SFMBT1: variants seen among roughly 807,000 people sequenced by gnomAD.
SFMBT1 encodes the protein scm-like with four MBT domains protein 1.
SFMBT1 carries 32 observed loss-of-function variants against 108.7 expected under a neutral mutation model. The ratio of observed to expected loss-of-function variants is 0.29; its 90% CI spans 0.22 to 0.40. The LOEUF (loss-of-function observed/expected upper bound fraction) is 0.40, where lower values mean the gene tolerates loss of function less well. Ranked by LOEUF, SFMBT1 falls within the 10% of genes least tolerant of loss-of-function variation. The pLI is 1.00. For synonymous variants in SFMBT1, 348 were observed against 369.5 expected, an observed-to-expected ratio of 0.94 and a Z score of 0.67; for missense variants, 816 against 1,059.6, an observed-to-expected ratio of 0.77 and a Z score of 3.19.
chr3:53,020,656 G>A (rs1384866749), intron 1 of SFMBT1, among the ~76,000 whole-genome samples: 2 of 152,172 alleles, frequency 1.3e-5, no homozygotes, highest in Admixed American at 1.3e-4. Context: ...AAAACAAGTC[G>A]AGGATGGAAG....
intron 8 of SFMBT1, among the ~76,000 whole-genome samples, chr3:52,928,653 T>TAC (rs56180614): frequency 0.038 from 692 of 18,054 alleles, 29 homozygotes; most frequent in African/African-American, 0.066. Context: ...TATATATATA[T>TAC]ACACATATAT....
intron 1 of SFMBT1, among the ~76,000 whole-genome samples, chr3:52,995,568 G>C (rs889485598): frequency 1.4e-4 from 21 of 149,756 alleles, no homozygotes; most frequent in African/African-American, 4.8e-4. Context: ...CTTTGTTTAT[G>C]TTTTGTAGAG....
In SFMBT1 at chr3:52,932,050, A is replaced by G. The variant is rs765447005; in HGVS notation, c.700+12T>C. 11 of 1,611,576 alleles carry G rather than the reference A, an allele frequency of 6.8e-6. No individual in the cohort carries two copies. The South Asian group carries it at 1.2e-4, about 18-fold the overall frequency. ...TAATGTCACAGAAGAAAAATGTCCT[A>G]TTACTCTTCACCTGAAGGGGGCTGA... On this transcript the variant is annotated intron_variant, in intron 6 of 20. Transcript: ENST00000394752.
chr3:52,920,645 T>C lies in SFMBT1; in HGVS notation c.1264A>G (p.Lys422Glu). The change falls in exon 12 of 21, where the codon AAG becomes GAG. Residue 422 changes from lysine (K) to glutamate (E), a missense_variant. This residue lies in a region of SFMBT1 where 495 missense variants were observed against 607.4 expected (regional missense o/e 0.81). Coordinates refer to ENST00000394752, the MANE Select transcript of SFMBT1 (RefSeq NM_016329.4). ...ACAATACATTCAGGTATAGGCTTCT[T>C]AGAACCTGTTTAGATTTAAACAAAC... ...SYLWLQLEGS[K>E]KPIPECIVSV... is the part of the protein sequence containing the mutation. The C allele has an allele frequency of 6.3e-7, 1 of 1,591,710 alleles. No homozygotes were observed. Among genetic ancestry groups the C allele is most frequent in the African/African-American group, 1.3e-5 (1 of 74,222 alleles).
At chr3:52,956,852 A>G (rs1170448389) in intron 2 of SFMBT1, among the ~76,000 whole-genome samples, 1 of 152,182 alleles carries the variant, frequency 6.6e-6, no homozygotes, top group Non-Finnish European at 1.5e-5. Flanking sequence ...TTTATGACAA[A>G]CCCACAGCCA....
chr3:52,991,724 A>G (rs1244601570), intron 1 of SFMBT1, among the ~76,000 whole-genome samples: 1 of 152,000 alleles, frequency 6.6e-6, no homozygotes. Flanking sequence ...ATGCCATTAT[A>G]AGAAGCTTCT....
intron 1 of SFMBT1, among the ~76,000 whole-genome samples, chr3:53,017,055 T>C (rs1036307086): frequency 6.6e-6 from 1 of 152,232 alleles, no homozygotes; most frequent in Non-Finnish European, 1.5e-5. Flanking sequence ...CCTCCTTTTG[T>C]TGAGGATCTA....
At chr3:52,942,829 C>T (rs185698739) in intron 4 of SFMBT1, among the ~76,000 whole-genome samples, 1 of 152,294 alleles carries the variant, frequency 6.6e-6, no homozygotes, top group Non-Finnish European at 1.5e-5. Context: ...CACGTATTTT[C>T]TTAAATCCGG....
intron 14 of SFMBT1, among the ~76,000 whole-genome samples, chr3:52,915,774 A>ATATT (rs1362281502): frequency 6.6e-6 from 1 of 152,208 alleles, no homozygotes; most frequent in Non-Finnish European, 1.5e-5. Context: ...CAAAGTATGC[A>ATATT]TATCATAAAA....
chr3:52,960,124 A>C (rs535817255), intron 2 of SFMBT1, among the ~76,000 whole-genome samples: 320 of 151,982 alleles, frequency 2.1e-3, no homozygotes, highest in Non-Finnish European at 3.7e-3. Flanking sequence ...TGACACAGAT[A>C]AGTCTCAAAA....
rs144071796 is a variant in SFMBT1, at chr3:52,926,091, G to C, written c.1071C>G (p.Asp357Glu). Residue 357 changes from aspartate (D) to glutamate (E), a missense_variant, in exon 10 of 21, where the codon GAC (aspartate) becomes GAG (glutamate). This residue lies in a region of SFMBT1 where 495 missense variants were observed against 607.4 expected (regional missense o/e 0.81). Transcript: ENST00000394752. ...CACACTGTTTGAGGTAGTCAGCCCAGTCAAAGTCCTGGCTTGGGTAGCCTA... is the reference window on the plus strand; with the variant it reads ...CACACTGTTTGAGGTAGTCAGCCCACTCAAAGTCCTGGCTTGGGTAGCCTA... ...PPPGYPSQDF[D>E]WADYLKQCGA... 6.2e-6 allele frequency: 10 copies of C among 1,603,774 alleles called. No individual in the cohort carries two copies. The highest frequency in any genetic ancestry group is 2.7e-5 in the African/African-American group (2 of 73,970).
chr3:52,967,664 T>G (rs1704191972), intron 2 of SFMBT1, among the ~76,000 whole-genome samples: 1 of 152,148 alleles, frequency 6.6e-6, no homozygotes, highest in Non-Finnish European at 1.5e-5. Context: ...GCCAAAGACA[T>G]GAAGAGACAT....
intron 3 of SFMBT1, 111 bp from the exon 4 acceptor site, chr3:52,943,704 C>T: frequency 7.2e-7 from 1 of 1,380,206 alleles, no homozygotes; most frequent in East Asian, 2.3e-5. Flanking sequence ...GCAATAACAT[C>T]TCAAGGAAAG....
intron 1 of SFMBT1, among the ~76,000 whole-genome samples, chr3:52,998,733 C>T (rs1050880998): frequency 2.7e-5 from 4 of 150,700 alleles, no homozygotes; most frequent in African/African-American, 9.7e-5. Flanking sequence ...TGTGATCTCC[C>T]GGGTCCTGTG....
chr3:52,943,103 G>A (rs1316973071), intron 4 of SFMBT1, among the ~76,000 whole-genome samples: 1 of 152,184 alleles, frequency 6.6e-6, no homozygotes, highest in African/African-American at 2.4e-5. Context: ...CTCACAGTCT[G>A]AAAGGATGAT....
intron 1 of SFMBT1, among the ~76,000 whole-genome samples, chr3:53,027,144 C>T (rs574768542): frequency 7.6e-4 from 115 of 152,284 alleles, no homozygotes; most frequent in South Asian, 4.8e-3. Flanking sequence ...GATGTTTCCT[C>T]TATTAAGACC....
intron 1 of SFMBT1, among the ~76,000 whole-genome samples, chr3:53,016,879 G>A (rs992582470): frequency 1.3e-5 from 2 of 151,866 alleles, no homozygotes; most frequent in African/African-American, 2.4e-5. Context: ...AAAGATCTTC[G>A]CTTATTGTTT....
intron 1 of SFMBT1, among the ~76,000 whole-genome samples, chr3:53,009,074 G>A (rs1698854371): frequency 6.6e-6 from 1 of 151,696 alleles, no homozygotes; most frequent in Admixed American, 6.6e-5. Context: ...CCAGGAGTTG[G>A]AGATCAATCT....
intron 3 of SFMBT1, among the ~76,000 whole-genome samples, chr3:52,948,043 T>C (rs1454976207): frequency 6.6e-6 from 1 of 152,248 alleles, no homozygotes; most frequent in African/African-American, 2.4e-5. Flanking sequence ...CTGCTTTTTC[T>C]GTATTTTTAA....
Sources: gnomAD v4.1 joint callset for allele counts (sites outside exome capture counted in the v4.1 genomes callset) on GRCh38, gnomAD v4.1.1 for gene constraint, gnomAD v4.1.1 regional missense constraint, MANE v1.5 for transcripts, NCBI Gene and HGNC (gene_info 2026-07-23, HGNC 2026-07-21) for gene names.